GPHN: variants seen among roughly 807,000 people sequenced by gnomAD.
GPHN encodes the protein gephyrin.
Under a neutral mutation model 95.5 loss-of-function variants are expected in GPHN, and 17 were observed. The observed-to-expected ratio is 0.18, with a 90% CI of 0.12 to 0.27. GPHN has a LOEUF of 0.27. Among genes scored for constraint, GPHN ranks in the 10% least tolerant of loss-of-function variants. GPHN has a pLI of 1.00. For missense variants in GPHN, 660 were observed against 978.1 expected (o/e 0.67, Z 4.34); for synonymous variants, 320 against 322.5 (o/e 0.99, Z 0.08).
the GPHN span, chr14:67,620,084 G>T: frequency 6.2e-7 from 1 of 1,602,206 alleles, no homozygotes; most frequent in African/African-American, 1.3e-5. Flanking sequence ...TTCTCACAAG[G>T]GCAGGTGAGA....
the GPHN span, among the ~76,000 whole-genome samples, chr14:67,595,584 A>G: frequency 6.6e-6 from 1 of 152,300 alleles, no homozygotes; most frequent in East Asian, 1.9e-4. Flanking sequence ...ATGTGACACA[A>G]CTCTGGCCAA....
chr14:67,395,981 C>T, the GPHN span, among the ~76,000 whole-genome samples: 987 of 152,284 alleles, frequency 6.5e-3, 7 homozygotes, highest in Admixed American at 0.016. Context: ...GACTCCCGGG[C>T]ACATTAGGAA....
At chr14:67,030,157 G>GA (rs112222534) in intron 10 of GPHN, among the ~76,000 whole-genome samples, 10,810 of 151,468 alleles carry the variant, frequency 0.071, 417 homozygotes, top group Middle Eastern at 0.12. Flanking sequence ...CTAAACTTCA[G>GA]TTTTTTTTCC....
chr14:66,918,502 T>A (rs2066028023), intron 6 of GPHN, among the ~76,000 whole-genome samples: 2 of 152,186 alleles, frequency 1.3e-5, no homozygotes, highest in South Asian at 4.1e-4. Context: ...AAAAAACTTA[T>A]GTCAAAGTGG....
At chr14:67,665,909 T>C in the GPHN span, among the ~76,000 whole-genome samples, 1 of 152,196 alleles carries the variant, frequency 6.6e-6, no homozygotes, top group Non-Finnish European at 1.5e-5. Context: ...CTCTTGACCA[T>C]CTATGATGTA....
At chr14:66,976,225 T>C (rs2070210853) in intron 9 of GPHN, among the ~76,000 whole-genome samples, 2 of 152,186 alleles carry the variant, frequency 1.3e-5, no homozygotes, top group African/African-American at 4.8e-5. Flanking sequence ...TCTCTCGATA[T>C]CCACTCTAGT....
At chr14:67,450,019 G>C in the GPHN span, 3 of 153,910 alleles carry the variant, frequency 1.9e-5, no homozygotes, top group African/African-American at 7.2e-5. Context: ...CTGAGATCGT[G>C]CCATTGCACT....
chr14:67,645,457 G>A, the GPHN span, among the ~76,000 whole-genome samples: 1 of 152,122 alleles, frequency 6.6e-6, no homozygotes, highest in East Asian at 1.9e-4. Flanking sequence ...GAATCTCTAG[G>A]GCTTTATCAC....
At chr14:66,699,248 C>G (rs974218634) in intron 2 of GPHN, among the ~76,000 whole-genome samples, 1 of 151,922 alleles carries the variant, frequency 6.6e-6, no homozygotes, top group Non-Finnish European at 1.5e-5. Flanking sequence ...ATATCTAATG[C>G]TAAATGATGA....
At chr14:67,010,073 G>C (rs2072884641) in intron 9 of GPHN, among the ~76,000 whole-genome samples, 1 of 151,732 alleles carries the variant, frequency 6.6e-6, no homozygotes, top group Admixed American at 6.6e-5. Flanking sequence ...TTTTCTTTTA[G>C]ATAACTTTTG....
the GPHN span, chr14:67,589,260 C>T: frequency 2.5e-6 from 2 of 785,294 alleles, no homozygotes; most frequent in Non-Finnish European, 3.1e-6. Flanking sequence ...CCTTCAGGAA[C>T]CCTTTAGTTT....
the GPHN span, among the ~76,000 whole-genome samples, chr14:67,524,857 C>G: frequency 6.6e-6 from 1 of 152,288 alleles, no homozygotes; most frequent in African/African-American, 2.4e-5. Context: ...CCAACTCCCC[C>G]AGGTCCCCAT....
chr14:67,227,898 G>T, the GPHN span, among the ~76,000 whole-genome samples: 1 of 152,188 alleles, frequency 6.6e-6, no homozygotes, highest in Middle Eastern at 3.4e-3. Flanking sequence ...GGCCGGGTGC[G>T]GTGGCTCACG....
the GPHN span, among the ~76,000 whole-genome samples, chr14:67,496,684 CTCCT>C: frequency 1.3e-5 from 2 of 150,308 alleles, no homozygotes; most frequent in Non-Finnish European, 3.0e-5. Context: ...TCCTTCCTCC[CTCCT>C]TTCTTCCTAT....
At chr14:67,564,195 GT>G in the GPHN span, among the ~76,000 whole-genome samples, 1 of 152,134 alleles carries the variant, frequency 6.6e-6, no homozygotes, top group African/African-American at 2.4e-5. Flanking sequence ...TAGAGTCGGG[GT>G]TTCACCATGT....
the GPHN span, among the ~76,000 whole-genome samples, chr14:67,534,704 C>T: frequency 5.3e-5 from 8 of 152,004 alleles, no homozygotes; most frequent in Admixed American, 5.2e-4. Context: ...AAACTAACAA[C>T]TAAGCTGAAA....
the GPHN span, chr14:67,279,636 A>C: frequency 8.3e-7 from 1 of 1,208,144 alleles, no homozygotes; most frequent in Non-Finnish European, 1.1e-6. Flanking sequence ...GAATGTAAGT[A>C]ATGACAGTTT....
At chr14:66,679,925 A>G (rs569532579) in intron 1 of GPHN, among the ~76,000 whole-genome samples, 1 of 152,210 alleles carries the variant, frequency 6.6e-6, no homozygotes, top group South Asian at 2.1e-4. Flanking sequence ...ATTGTTAGTC[A>G]CATTTTGTGC....
the GPHN span, chr14:67,383,299 A>G: frequency 6.2e-7 from 1 of 1,611,698 alleles, no homozygotes; most frequent in Non-Finnish European, 8.5e-7. Context: ...TTGAAATTAT[A>G]CCTCTGCTTC....
Sources: gnomAD v4.1 joint callset for allele counts (sites outside exome capture counted in the v4.1 genomes callset) on GRCh38, gnomAD v4.1.1 for gene constraint, MANE v1.5 for transcripts, NCBI Gene and HGNC (gene_info 2026-07-23, HGNC 2026-07-21) for gene names.